FOXP2: variants seen among roughly 807,000 people sequenced by gnomAD.
The protein encoded by FOXP2 is forkhead box protein P2.
A neutral mutation model predicts 115.8 loss-of-function variants in FOXP2; 12 were observed. The ratio of observed to expected loss-of-function variants is 0.10; its 90% CI spans 0.07 to 0.17. FOXP2 has a LOEUF of 0.17. Ranked by LOEUF, FOXP2 falls within the 10% of genes least tolerant of loss-of-function variation. The pLI is 1.00. For missense variants in FOXP2, 629 were observed against 843.5 expected (o/e 0.75, Z 3.15); for synonymous variants, 328 against 297.7 (o/e 1.10, Z -1.05).
intron 3 of FOXP2, among the ~76,000 whole-genome samples, chr7:114,569,400 C>CAGT (rs763046509): frequency 6.6e-6 from 1 of 151,954 alleles, no homozygotes; most frequent in South Asian, 2.1e-4. Context: ...TATCAAGGAA[C>CAGT]AGTAGGTTAC....
chr7:114,245,139 A>G (rs1795249312), intron 1 of FOXP2, among the ~76,000 whole-genome samples: 1 of 152,166 alleles, frequency 6.6e-6, no homozygotes, highest in Admixed American at 6.6e-5. Context: ...ATTATGGATT[A>G]TACCTTTTTT....
intron 1 of FOXP2, among the ~76,000 whole-genome samples, chr7:114,284,537 G>T (rs755329090): frequency 2.0e-5 from 3 of 152,040 alleles, no homozygotes; most frequent in South Asian, 4.1e-4. Context: ...TGAACATTTG[G>T]TTCTGATTAT....
intron 1 of FOXP2, among the ~76,000 whole-genome samples, chr7:114,140,203 G>A (rs1373504939): frequency 6.6e-6 from 1 of 152,124 alleles, no homozygotes; most frequent in African/African-American, 2.4e-5. Flanking sequence ...CCTAGAAATA[G>A]TATAAAGTTA....
At chr7:114,240,097 G>T (rs1795113412) in intron 1 of FOXP2, among the ~76,000 whole-genome samples, 1 of 152,090 alleles carries the variant, frequency 6.6e-6, no homozygotes, top group Admixed American at 6.6e-5. Flanking sequence ...ACGTGATCAA[G>T]ACTGAAATTG....
intron 16 of FOXP2, among the ~76,000 whole-genome samples, chr7:114,671,358 G>C (rs1404379862): frequency 6.6e-6 from 1 of 152,016 alleles, no homozygotes; most frequent in African/African-American, 2.4e-5. Flanking sequence ...TATCCCCACC[G>C]TGCCAATTGT....
At chr7:114,424,829 A>G (rs2129204290) in intron 1 of FOXP2, among the ~76,000 whole-genome samples, 1 of 151,128 alleles carries the variant, frequency 6.6e-6, no homozygotes, top group Middle Eastern at 3.4e-3. Flanking sequence ...TATTATCCAA[A>G]CAGCTTTAAG....
At chr7:114,230,668 A>G (rs570222254) in intron 1 of FOXP2, among the ~76,000 whole-genome samples, 3 of 152,110 alleles carry the variant, frequency 2.0e-5, no homozygotes, top group African/African-American at 7.2e-5. Flanking sequence ...ACAAAATTTA[A>G]CACCCTTTTA....
chr7:114,520,157 C>T (rs1798544015), intron 2 of FOXP2, among the ~76,000 whole-genome samples: 1 of 152,128 alleles, frequency 6.6e-6, no homozygotes, highest in African/African-American at 2.4e-5. Flanking sequence ...AGTTTTGTCT[C>T]TTACCTTACA....
chr7:114,094,527 C>G (rs762618649), intron 1 of FOXP2, among the ~76,000 whole-genome samples: 28 of 152,060 alleles, frequency 1.8e-4, no homozygotes, highest in Non-Finnish European at 3.8e-4. Context: ...TTTCATTTTT[C>G]TCTTTCCTTT....
At chr7:114,488,251 A>G (rs1031563122) in intron 2 of FOXP2, among the ~76,000 whole-genome samples, 2 of 151,722 alleles carry the variant, frequency 1.3e-5, no homozygotes, top group African/African-American at 4.8e-5. Flanking sequence ...AGAAATACCC[A>G]CCCCCATGAT....
At chr7:114,160,012 T>C (rs986685768), upstream of FOXP2, among the ~76,000 whole-genome samples, 9 of 152,192 alleles carry the variant, frequency 5.9e-5, no homozygotes, top group African/African-American at 2.2e-4. Flanking sequence ...AGATTCTCCC[T>C]GGTCTCTGAG....
intron 16 of FOXP2, among the ~76,000 whole-genome samples, chr7:114,688,440 CAA>C (rs1163144396): frequency 3.3e-5 from 5 of 152,086 alleles, no homozygotes; most frequent in East Asian, 3.8e-4. Context: ...TTTTAAAATT[CAA>C]AGTTACTTCT....
chr7:114,304,360 T>C (rs552956421), intron 2 of FOXP2, among the ~76,000 whole-genome samples: 1 of 152,178 alleles, frequency 6.6e-6, no homozygotes, highest in Non-Finnish European at 1.5e-5. Flanking sequence ...CATTCATTTT[T>C]ATCCTTCATT....
chr7:114,682,519 A>G (rs914900640), intron 16 of FOXP2, among the ~76,000 whole-genome samples: 1 of 152,146 alleles, frequency 6.6e-6, no homozygotes, highest in African/African-American at 2.4e-5. Context: ...GGAAAGAAGC[A>G]TTTTTGTAGA....
At chr7:114,209,931 C>A (rs1794301128) in intron 1 of FOXP2, among the ~76,000 whole-genome samples, 1 of 152,130 alleles carries the variant, frequency 6.6e-6, no homozygotes, top group African/African-American at 2.4e-5. Flanking sequence ...GCTGTTGATA[C>A]TTGTGATTGC....
chr7:114,333,010 T>C (rs1024374236), intron 2 of FOXP2, among the ~76,000 whole-genome samples: 4 of 151,942 alleles, frequency 2.6e-5, no homozygotes, highest in Non-Finnish European at 5.9e-5. Context: ...AAGAAAAAAA[T>C]GTTAGGATAC....
intron 10 of FOXP2, among the ~76,000 whole-genome samples, chr7:114,657,805 C>T (rs1292386930): frequency 1.3e-5 from 2 of 152,268 alleles, no homozygotes; most frequent in East Asian, 3.9e-4. Context: ...AATAGACTTT[C>T]GCTGAAGTCT....
rs113740805 is a variant in FOXP2 at position 114,282,374 on chromosome 7, G to C, written c.-101-5645G>C. 9.1e-3 allele frequency among the ~76,000 whole-genome samples: 1,392 copies of C among 152,136 alleles called. 33 individuals are homozygous for C. The highest frequency in any genetic ancestry group is 0.032 in the African/African-American group (1,330 of 41,526). ...ATGACCTCAATAATGTTTTTTTGAA[G>C]TTCCAAAATATAATTGATTTTGCTC... On this transcript the variant is annotated intron_variant, in intron 1 of 17. Transcript: ENST00000634411.
intron 1 of FOXP2, among the ~76,000 whole-genome samples, chr7:114,095,823 C>T (rs1251575638): frequency 6.6e-6 from 1 of 152,130 alleles, no homozygotes; most frequent in African/African-American, 2.4e-5. Context: ...ACTTTACATG[C>T]ACAGACATAC....
Sources: gnomAD v4.1 joint callset for allele counts (sites outside exome capture counted in the v4.1 genomes callset) on GRCh38, gnomAD v4.1.1 for gene constraint, MANE v1.5 for transcripts, NCBI Gene and HGNC (gene_info 2026-07-23, HGNC 2026-07-21) for gene names.